The following MYCBP2 variants were observed in gnomAD, a reference collection of about 807,000 sequenced individuals.
MYCBP2 encodes the protein MYC binding protein 2, also known as E3 ubiquitin-protein ligase MYCBP2.
In MYCBP2, 120 loss-of-function variants were observed where a neutral mutation model predicts 525.3. The observed-to-expected ratio is 0.23, with a 90% CI of 0.20 to 0.27. The LOEUF (loss-of-function observed/expected upper bound fraction) is 0.27. Among genes scored for constraint, MYCBP2 ranks in the 10% least tolerant of loss-of-function variants. The pLI, the probability that MYCBP2 is intolerant of heterozygous loss-of-function variation, is 1.00. For synonymous variants in MYCBP2, 1,894 were observed against 1,955.8 expected (o/e 0.97, Z 0.83); for missense variants, 4,149 against 5,657.1 (o/e 0.73, Z 8.55).
intron 23 of MYCBP2, among the ~76,000 whole-genome samples, chr13:77,210,173 G>A (rs1488311333): frequency 6.6e-6 from 1 of 150,622 alleles, no homozygotes; most frequent in Non-Finnish European, 1.5e-5. Context: ...TATTCATTTT[G>A]TATATAAAGC....
chr13:77,267,788 A>T, intron 8 of MYCBP2, 53 bp downstream of exon 8: 1 of 1,324,960 alleles, frequency 7.5e-7, no homozygotes, highest in South Asian at 1.2e-5. Flanking sequence ...ATAGCTTAAC[A>T]TGCACATTTC....
chr13:77,272,088 G>A (rs890990642), intron 5 of MYCBP2, among the ~76,000 whole-genome samples: 1 of 152,150 alleles, frequency 6.6e-6, no homozygotes, highest in Non-Finnish European at 1.5e-5. Context: ...AAATATTGGA[G>A]ACAGATAAGC....
intron 26 of MYCBP2, among the ~76,000 whole-genome samples, chr13:77,201,509 C>T (rs1237168393): frequency 6.6e-6 from 1 of 152,050 alleles, no homozygotes; most frequent in Non-Finnish European, 1.5e-5. Flanking sequence ...ACAAGGATAT[C>T]CAGGAATTGA....
At chr13:77,109,577 G>A (rs1032604921) in intron 55 of MYCBP2, 3 of 152,288 alleles carry the variant, frequency 2.0e-5, no homozygotes, top group African/African-American at 7.2e-5. Flanking sequence ...TCAGGGATGT[G>A]GTTGAGGGAT....
chr13:77,198,838 A>T (rs753428552), intron 26 of MYCBP2, among the ~76,000 whole-genome samples: 6 of 152,352 alleles, frequency 3.9e-5, no homozygotes, highest in Middle Eastern at 3.4e-3. Context: ...CTCTGTCATT[A>T]AAATGGCTAT....
intron 22 of MYCBP2, 81 bp downstream of exon 22, chr13:77,211,875 T>C (rs902026458): frequency 2.6e-6 from 3 of 1,145,696 alleles, no homozygotes; most frequent in Non-Finnish European, 3.8e-6. Context: ...AAAAGTACAT[T>C]TCATTAAAGG....
At chr13:77,103,630 T>G (rs2047408959) in intron 55 of MYCBP2, among the ~76,000 whole-genome samples, 1 of 152,220 alleles carries the variant, frequency 6.6e-6, no homozygotes, top group South Asian at 2.1e-4. Flanking sequence ...TTTTCTTTAA[T>G]TTGGTGTTCA....
Position 77,081,008 on chromosome 13 carries a change from C to T in MYCBP2, c.11418+419G>A, listed in dbSNP as rs1164452693. The T allele has an allele frequency of 6.3e-6, 1 of 159,230 alleles. No individual in the cohort carries two copies. Among genetic ancestry groups the T allele is most frequent in the African/African-American group, 2.4e-5 (1 of 41,058 alleles). The allele number at this position is 159,230 out of a possible 1,614,324, so 9.9% of individuals were successfully genotyped here. On this transcript the variant is annotated intron_variant, in intron 65 of 82. Transcript: ENST00000544440. The surrounding 1 kb of genome is among the most constrained non-coding windows in gnomAD (Gnocchi z 4.6). ...ATTATTAAGTGCCACCAGAGTAATACAAAAAGAATCAGCAGAGGGAAAGAG... is the reference window on the plus strand; with the variant it reads ...ATTATTAAGTGCCACCAGAGTAATATAAAAAGAATCAGCAGAGGGAAAGAG...
At position 77,268,035 on chromosome 13, in the gene MYCBP2, T is replaced by C. The variant is rs974637502; in HGVS notation, c.1261-98A>G. The C allele has an allele frequency of 2.0e-5, 13 of 641,598 alleles. No homozygotes were observed. The African/African-American group carries it at 2.1e-4, about 10-fold the overall frequency. 39.7% of individuals were successfully genotyped at this position (641,598 alleles called of 1,614,324 possible). A position where few individuals can be genotyped will look rare whatever the true frequency, so the allele number is the denominator to read the frequency against. ...CATATTACAGGTTTTTGAGGTACAA[T>C]AATACATCAATATTGATGTCTAAAA... is the stretch of plus-strand genomic sequence containing the variant. On this transcript the variant is annotated intron_variant, in intron 7 of 82. Coordinates refer to ENST00000544440, the MANE Select transcript of MYCBP2 (RefSeq NM_015057.5).
At position 77,139,497 on chromosome 13, in the gene MYCBP2, A is replaced by G. The variant is rs541437741; in HGVS notation, c.7519-161T>C. Among the ~76,000 whole-genome samples the G allele has an allele frequency of 2.6e-5, 4 of 152,314 alleles. No individual in the cohort carries two copies. The South Asian group carries it at 8.3e-4, about 32-fold the overall frequency. On this transcript the variant is annotated intron_variant, in intron 51 of 82. Coordinates refer to ENST00000544440, the MANE Select transcript of MYCBP2 (RefSeq NM_015057.5). ...CTGAGAGACCCTCCAGGGAAAAAAAAAGCAGCAAAGAGTGCCAACACAATA... is the reference window on the plus strand; with the variant it reads ...CTGAGAGACCCTCCAGGGAAAAAAAGAGCAGCAAAGAGTGCCAACACAATA...
chr13:77,060,541 A>G (rs932182056), intron 76 of MYCBP2, among the ~76,000 whole-genome samples: 2 of 152,386 alleles, frequency 1.3e-5, no homozygotes, highest in East Asian at 1.9e-4. Flanking sequence ...AAGATTCAAC[A>G]TAACTTTGAA....
chr13:77,315,013 T>G (rs1327708893), intron 1 of MYCBP2, among the ~76,000 whole-genome samples: 1 of 152,220 alleles, frequency 6.6e-6, no homozygotes, highest in Non-Finnish European at 1.5e-5. Flanking sequence ...TATGGATAAC[T>G]TCATGCTAAA....
intron 1 of MYCBP2, among the ~76,000 whole-genome samples, chr13:77,318,524 G>A (rs958880419): frequency 1.3e-5 from 2 of 152,196 alleles, no homozygotes; most frequent in Non-Finnish European, 2.9e-5. Context: ...GGGAGAACGA[G>A]GCAGGCGGAT....
Position 77,181,687 on chromosome 13 carries a change from A to G in MYCBP2, c.4941+14T>C. 1 of 1,609,920 alleles carries G rather than the reference A, an allele frequency of 6.2e-7. No individual in the cohort carries two copies. The highest frequency in any genetic ancestry group is 8.5e-7 in the Non-Finnish European group (1 of 1,177,354). On this transcript the variant is annotated intron_variant, in intron 33 of 82. Coordinates refer to ENST00000544440, the MANE Select transcript of MYCBP2 (RefSeq NM_015057.5). ...TTAGTGCCTCTGTATAAAAGATTTC[A>G]GAGACAGACCTACCTGGCTGAGTTT...
At chr13:77,300,810 G>A (rs973270378) in intron 1 of MYCBP2, among the ~76,000 whole-genome samples, 3 of 152,162 alleles carry the variant, frequency 2.0e-5, no homozygotes, top group Admixed American at 6.5e-5. Context: ...ACTAACCAAC[G>A]TAAGAAAGCT....
chr13:77,233,440 C>A (rs950842631), intron 17 of MYCBP2, among the ~76,000 whole-genome samples, 177 bp from the exon 18 acceptor site: 3 of 144,444 alleles, frequency 2.1e-5, no homozygotes, highest in Non-Finnish European at 4.5e-5. Flanking sequence ...ACCTAATCAC[C>A]ATTTCACATA....
intron 5 of MYCBP2, among the ~76,000 whole-genome samples, chr13:77,271,411 A>G (rs2074875574): frequency 6.6e-6 from 1 of 152,156 alleles, no homozygotes. Context: ...ACTCTCTGTT[A>G]AGCTTTATGA....
chr13:77,047,228 A>G (rs2035751487), intron 82 of MYCBP2, among the ~76,000 whole-genome samples: 1 of 152,198 alleles, frequency 6.6e-6, no homozygotes, highest in Non-Finnish European at 1.5e-5. Context: ...TATATCAGCT[A>G]CTTAACCATT....
Position 77,045,438 on chromosome 13 carries a change from T to C in MYCBP2, c.13977A>G (p.Pro4659=), listed in dbSNP as rs140060369. The change falls in exon 83 of 83, where the codon CCA becomes CCG. Residue 4659 remains proline, a synonymous_variant. Coordinates refer to ENST00000544440, the MANE Select transcript of MYCBP2 (RefSeq NM_015057.5). ...CCAGAGCAAACTCTTCCCCAGTGGG[T>C]GGATGAACAACATGGAGTGGACATT... ...GTECPLHVVH[P]PTGEEFALGC... The C allele has an allele frequency of 1.9e-6, 3 of 1,614,020 alleles. No individual in the cohort carries two copies. In the African/African-American group the frequency reaches 4.0e-5, roughly 22 times the overall value.
Sources: allele counts gnomAD v4.1 joint callset (sites outside exome capture counted in the v4.1 genomes callset), GRCh38; gene constraint gnomAD v4.1.1; non-coding constraint Gnocchi (gnomAD v3.1); transcripts MANE v1.5; gene names NCBI Gene and HGNC (gene_info 2026-07-23, HGNC 2026-07-21).